The following CLIP2 variants were observed in gnomAD, a reference collection of about 807,000 sequenced individuals.
CLIP2 encodes CAP-Gly domain containing linker protein 2, also known as CAP-Gly domain-containing linker protein 2.
A neutral mutation model predicts 111.7 loss-of-function variants in CLIP2; 41 were observed. The observed-to-expected ratio is 0.37, with a 90% confidence interval of 0.29 to 0.48. CLIP2 has a LOEUF of 0.48. Among genes scored for constraint, CLIP2 ranks in the 20% least tolerant of loss-of-function variants. The pLI, the probability that CLIP2 is intolerant of heterozygous loss-of-function variation, is 0.99. For synonymous variants in CLIP2, 660 were observed against 644.2 expected (o/e 1.02, Z -0.37); for missense variants, 1,160 against 1,422.1 (o/e 0.82, Z 2.96).
At position 74,363,004 on chromosome 7, in the gene CLIP2, CT is replaced by C. The variant is rs201829199; in HGVS notation, c.1320-1239del. 4.9e-3 allele frequency among the ~76,000 whole-genome samples: 699 copies of C among 144,022 alleles called. 3 individuals are homozygous for C. Among genetic ancestry groups the C allele is most frequent in the Middle Eastern group, 7.4e-3 (2 of 270 alleles). The allele number at this position is 144,022 out of a possible 152,430, so 94.5% of individuals were successfully genotyped here. On this transcript the variant is annotated intron_variant, in intron 7 of 16. Transcript: ENST00000223398. The stretch of plus-strand genomic sequence containing the variant: ...AGGCCCTAGGAAGAGCAGCTTTGAG[CT>C]TTTTTTTTTTTCCCCCAAGATGGAG...
At chr7:74,380,778 A>C in intron 10 of CLIP2, 28 bp from the exon 11 acceptor site, 1 of 1,586,210 alleles carries the variant, frequency 6.3e-7, no homozygotes, top group African/African-American at 1.3e-5. Flanking sequence ...AGAGGTGAGC[A>C]TCCCCCTTAC....
chr7:74,387,119 A>T (rs1202865966), intron 12 of CLIP2, among the ~76,000 whole-genome samples: 1 of 151,542 alleles, frequency 6.6e-6, no homozygotes, highest in Non-Finnish European at 1.5e-5. Context: ...GGTCCATCCT[A>T]TAATGCCTCC....
chr7:74,359,304 CT>C (rs781818730), intron 6 of CLIP2, among the ~76,000 whole-genome samples: 1,332 of 120,252 alleles, frequency 0.011, 6 homozygotes, highest in Admixed American at 0.013. Context: ...CTGCAGTAAA[CT>C]TTTTTTTTTT....
intron 8 of CLIP2, among the ~76,000 whole-genome samples, chr7:74,365,948 G>A (rs114549081): frequency 0.01 from 1,574 of 151,860 alleles, 26 homozygotes; most frequent in African/African-American, 0.036. Flanking sequence ...GTAGAGGCTG[G>A]GTCTCACTAT....
chr7:74,395,365 A>C (rs544132067), intron 13 of CLIP2, among the ~76,000 whole-genome samples: 3 of 151,900 alleles, frequency 2.0e-5, no homozygotes, highest in Non-Finnish European at 4.4e-5. Context: ...CACCATGTTG[A>C]CAGGCTGGTC....
intron 13 of CLIP2, among the ~76,000 whole-genome samples, chr7:74,396,152 C>T (rs1362723922): frequency 6.6e-6 from 1 of 152,212 alleles, no homozygotes; most frequent in Non-Finnish European, 1.5e-5. Context: ...TGCACTGTTT[C>T]CTGCAGACCC....
chr7:74,337,902 C>T (rs1789521988), intron 2 of CLIP2, among the ~76,000 whole-genome samples: 2 of 152,070 alleles, frequency 1.3e-5, no homozygotes, highest in African/African-American at 4.8e-5. Context: ...GGCCTGGAAA[C>T]ATTGCTTCTG....
intron 1 of CLIP2, among the ~76,000 whole-genome samples, chr7:74,295,597 G>C (rs1365886937): frequency 6.6e-6 from 1 of 152,162 alleles, no homozygotes; most frequent in Admixed American, 6.6e-5. Context: ...GGAGCCAGGG[G>C]CCACAGAGGA....
rs1554318486 is a variant in CLIP2 at position 74,405,501 on chromosome 7, T to TC, written c.*1659dup. 6.5e-5 allele frequency: 10 copies of TC among 152,884 alleles called. No homozygotes were observed. Among genetic ancestry groups the TC allele is most frequent in the Non-Finnish European group, 1.5e-5 (1 of 68,354 alleles). The allele number at this position is 152,884 out of a possible 1,614,324, so 9.5% of individuals were successfully genotyped here. On this transcript the variant is annotated 3_prime_UTR_variant, in exon 17 of 17. Transcript: ENST00000223398. ...CAGCCCATCGGGGAGTCACAGTCAG[T>TC]CCCCCCGGCCCCCCTCCCAGTCCCT... is the stretch of plus-strand genomic sequence containing the variant.
intron 1 of CLIP2, among the ~76,000 whole-genome samples, chr7:74,310,093 G>T (rs1394391978): frequency 7.1e-6 from 1 of 140,664 alleles, no homozygotes; most frequent in Non-Finnish European, 1.5e-5. Flanking sequence ...AGCCAGGCGT[G>T]ATGGCGCATG....
Position 74,317,595 on chromosome 7 carries a change from T to C in CLIP2, c.49T>C (p.Ser17Pro). ...LKPPGRGGKH[S>P]SPMGRTSTGS... ...GCCCCCCGGCCGTGGGGGGAAGCAC[T>C]CCAGCCCCATGGGCCGGACATCTAC... The change falls in exon 2 of 17, where the codon TCC becomes CCC. Residue 17 changes from serine (S) to proline (P), a missense_variant. Physicochemically the swap from Ser to Pro is moderately conservative, Grantham distance 74. Coordinates refer to ENST00000223398, the MANE Select transcript of CLIP2 (RefSeq NM_003388.5). 1 of 1,518,494 alleles carries C rather than the reference T, an allele frequency of 6.6e-7. No individual in the cohort carries two copies. The highest frequency in any genetic ancestry group is 8.9e-7 in the Non-Finnish European group (1 of 1,127,838). The allele number at this position is 1,518,494 out of a possible 1,614,324, so 94.1% of individuals were successfully genotyped here. A position where few individuals can be genotyped will look rare whatever the true frequency, so the allele number is the denominator to read the frequency against.
chr7:74,339,064 C>T, intron 3 of CLIP2, 60 bp downstream of exon 3: 1 of 1,506,124 alleles, frequency 6.6e-7, no homozygotes, highest in Non-Finnish European at 8.9e-7. Context: ...TGCTCCGCCC[C>T]ACTTGGCGAA....
rs1483582693 is a variant in CLIP2, at chr7:74,289,603, G to T, written c.-199G>T. ...CGGGGATCCCCGGCGCCAGGAGGGG[G>T]TGCAGCCGGTGGGCAGCGCCGCGCA... On this transcript the variant is annotated 5_prime_UTR_variant, in exon 1 of 17. Transcript: ENST00000223398. 2 of 151,936 alleles carry T rather than the reference G, an allele frequency of 1.3e-5. No individual in the cohort carries two copies. The highest frequency in any genetic ancestry group is 2.4e-5 in the African/African-American group (1 of 41,404). The allele number at this position is 151,936 out of a possible 1,614,324, so 9.4% of individuals were successfully genotyped here.
intron 3 of CLIP2, among the ~76,000 whole-genome samples, chr7:74,348,421 T>C (rs1789865091): frequency 6.6e-6 from 1 of 151,914 alleles, no homozygotes; most frequent in East Asian, 1.9e-4. Context: ...GTTGGGAGGC[T>C]GAGATGGGAG....
In CLIP2 at chr7:74,376,122, A is replaced by G. The variant is rs1047020389; in HGVS notation, c.1721A>G (p.Tyr574Cys). 6.2e-6 allele frequency: 10 copies of G among 1,610,072 alleles called. No homozygotes were observed. Among genetic ancestry groups the G allele is most frequent in the Non-Finnish European group, 6.8e-6 (8 of 1,178,056 alleles). Residue 574 changes from tyrosine (Y) to cysteine (C), a missense_variant, in exon 10 of 17, where the codon TAC becomes TGC. Tyr to Cys is a radical substitution (Grantham distance 194, BLOSUM62 -2). This residue lies in a region of CLIP2 where 676 missense variants were observed against 777.8 expected (regional missense o/e 0.87). Transcript: ENST00000223398. The surrounding 1 kb of genome is among the most constrained non-coding windows in gnomAD (Gnocchi z 7.1). ...RDKYEKALKA[Y>C]QAEVDKLRAA... ...AAATACGAGAAGGCCCTGAAGGCCT[A>G]CCAGGCGGAGGTGGACAAGCTCCGC...
chr7:74,403,792 A>G (rs376958936), intron 16 of CLIP2, 45 bp from the exon 17 acceptor site: 4 of 1,610,728 alleles, frequency 2.5e-6, no homozygotes, highest in Non-Finnish European at 3.4e-6. Flanking sequence ...CTGGCCCTCC[A>G]GGCTCTCTGA....
intron 1 of CLIP2, among the ~76,000 whole-genome samples, chr7:74,312,250 T>C (rs1394558030): frequency 1.3e-5 from 2 of 151,806 alleles, no homozygotes; most frequent in Non-Finnish European, 2.9e-5. Flanking sequence ...AATAAATAAA[T>C]AAATAAAATA....
At chr7:74,387,409 C>T (rs1290503689) in intron 12 of CLIP2, among the ~76,000 whole-genome samples, 1 of 152,158 alleles carries the variant, frequency 6.6e-6, no homozygotes, top group Non-Finnish European at 1.5e-5. Flanking sequence ...CCACCACACC[C>T]GGCTAATTTT....
At chr7:74,296,156 AC>A (rs1788163254) in intron 1 of CLIP2, among the ~76,000 whole-genome samples, 1 of 151,480 alleles carries the variant, frequency 6.6e-6, no homozygotes, top group Non-Finnish European at 1.5e-5. Flanking sequence ...CACAGGAGGA[AC>A]CAGGGAGAAG....
Sources: gnomAD v4.1 joint callset for allele counts (sites outside exome capture counted in the v4.1 genomes callset) on GRCh38, gnomAD v4.1.1 for gene constraint, gnomAD v4.1.1 regional missense constraint, Gnocchi (gnomAD v3.1) non-coding constraint, MANE v1.5 for transcripts, NCBI Gene and HGNC (gene_info 2026-07-23, HGNC 2026-07-21) for gene names.